The following COLEC10 variants were observed in gnomAD, a reference collection of about 807,000 sequenced individuals.
COLEC10 encodes the protein collectin-10.
COLEC10 carries 22 observed loss-of-function variants against 28.4 expected under a neutral mutation model. The observed-to-expected ratio is 0.78, with a 90% CI of 0.55 to 1.11. The LOEUF is 1.11. Ranked by LOEUF, COLEC10 falls within the 50% of genes least tolerant of loss-of-function variation. The pLI is 0.00. For synonymous variants in COLEC10, 125 were observed against 116.1 expected (o/e 1.08, Z -0.49); for missense variants, 361 against 344.1 (o/e 1.05, Z -0.39).
intron 1 of COLEC10, among the ~76,000 whole-genome samples, chr8:119,000,495 G>T (rs1813676264): frequency 6.6e-6 from 1 of 152,006 alleles, no homozygotes; most frequent in Non-Finnish European, 1.5e-5. Context: ...AGGCTTGAGT[G>T]TCACCAGGCA....
intron 2 of COLEC10, among the ~76,000 whole-genome samples, chr8:119,050,975 GT>G (rs1328137484): frequency 6.6e-6 from 1 of 152,102 alleles, no homozygotes; most frequent in Non-Finnish European, 1.5e-5. Flanking sequence ...AGCTCAGGAT[GT>G]ACTAGAGCAA....
the COLEC10 span, among the ~76,000 whole-genome samples, chr8:118,969,162 A>C: frequency 6.6e-6 from 1 of 152,002 alleles, no homozygotes. Flanking sequence ...GTCAAGAGCC[A>C]AGAAACGCCA....
At chr8:119,073,971 T>TATATATACACGTATATATATACACAC (rs1815176141) in intron 1 of COLEC10, among the ~76,000 whole-genome samples, 2 of 142,440 alleles carry the variant, frequency 1.4e-5, no homozygotes, top group Admixed American at 6.9e-5. Context: ...CATATACACA[T>TATATATACACGTATATATATACACAC]ATATATACAC....
intron 1 of COLEC10, among the ~76,000 whole-genome samples, chr8:119,069,740 G>A (rs1253517077): frequency 1.4e-5 from 2 of 143,144 alleles, no homozygotes; most frequent in African/African-American, 5.1e-5. Flanking sequence ...AGGCAGATAT[G>A]TATATTTACC....
In COLEC10 at chr8:119,077,063, C is replaced by T. The variant is rs543768808; in HGVS notation, c.148+9634C>T. ...AAGCTGGACAATGTCACCAATGATTCTGGGGCAAAGCCAGTGCTAGACCAC... is the reference window on the plus strand; with the variant it reads ...AAGCTGGACAATGTCACCAATGATTTTGGGGCAAAGCCAGTGCTAGACCAC... On this transcript the variant is annotated intron_variant, in intron 1 of 5. Coordinates refer to ENST00000332843, the MANE Select transcript of COLEC10 (RefSeq NM_006438.5). Among the ~76,000 whole-genome samples, 5 of 152,300 alleles carry T rather than the reference C, an allele frequency of 3.3e-5. No individual in the cohort carries two copies. In the South Asian group the frequency reaches 6.2e-4, roughly 19 times the overall value.
At chr8:119,072,709 G>A (rs961471858) in intron 1 of COLEC10, among the ~76,000 whole-genome samples, 12 of 151,962 alleles carry the variant, frequency 7.9e-5, no homozygotes, top group African/African-American at 2.4e-4. Flanking sequence ...AGCCCCCTTG[G>A]TCCCTGTGGA....
Position 119,091,575 on chromosome 8 carries a change from G to GAA in COLEC10, c.292+356_292+357insAA, listed in dbSNP as rs1392599626. ...GTCTCGAAAGAAAGAAAGAAAGAAAGAGAGAGAGAGAGAGAGAGAGAGAAA... is the reference window on the plus strand; with the variant it reads ...GTCTCGAAAGAAAGAAAGAAAGAAAGAAAGAGAGAGAGAGAGAGAGAGAGAAA... On this transcript the variant is annotated intron_variant, in intron 3 of 5. Coordinates refer to ENST00000332843, the MANE Select transcript of COLEC10 (RefSeq NM_006438.5). 0.012 allele frequency among the ~76,000 whole-genome samples: 1,083 copies of GAA among 86,934 alleles called. 32 individuals carry two copies. The East Asian group carries it at 0.13, about 10-fold the overall frequency. The allele number at this position is 86,934 out of a possible 152,430, so 57.0% of individuals were successfully genotyped here.
chr8:119,000,364 T>A (rs982551123), intron 1 of COLEC10, among the ~76,000 whole-genome samples: 1 of 152,138 alleles, frequency 6.6e-6, no homozygotes. Flanking sequence ...GAGTGCCAAT[T>A]TGAGACTTGT....
intron 2 of COLEC10, among the ~76,000 whole-genome samples, chr8:119,013,156 G>A (rs900464547): frequency 6.0e-5 from 9 of 150,134 alleles, no homozygotes; most frequent in African/African-American, 2.0e-4. Context: ...ATTTTGACAA[G>A]TTGTATTTTT....
At chr8:119,092,207 C>T (rs1246159912) in intron 3 of COLEC10, among the ~76,000 whole-genome samples, 4 of 151,598 alleles carry the variant, frequency 2.6e-5, no homozygotes, top group African/African-American at 4.8e-5. Context: ...GTAGCTGGGA[C>T]TACAGATGCC....
intron 3 of COLEC10, among the ~76,000 whole-genome samples, chr8:119,100,688 C>G (rs920927838): frequency 7.9e-5 from 12 of 152,190 alleles, no homozygotes; most frequent in Non-Finnish European, 1.2e-4. Flanking sequence ...GAAGCACTAT[C>G]TCTTCTGCCT....
At chr8:119,048,407 T>G (rs759850395) in intron 2 of COLEC10, among the ~76,000 whole-genome samples, 11 of 152,208 alleles carry the variant, frequency 7.2e-5, no homozygotes, top group Admixed American at 2.0e-4. Context: ...TTTGTCAGTT[T>G]TATGACTTGA....
chr8:119,108,246 G>A lies in COLEC10; in HGVS notation c.*2055G>A, dbSNP rs1226647183. Among the ~76,000 whole-genome samples the A allele has an allele frequency of 6.6e-6, 1 of 152,132 alleles. No homozygotes were observed. Among genetic ancestry groups the A allele is most frequent in the Non-Finnish European group, 1.5e-5 (1 of 68,022 alleles). On this transcript the variant is annotated 3_prime_UTR_variant, in exon 6 of 6. Transcript: ENST00000332843. ...AAAGCCATCCCAGATCATGAGGAAT[G>A]AAAACCTAGAAACACCTGTAGGAAA...
At chr8:118,992,927 TTAAGA>T (rs1157095978), upstream of COLEC10, among the ~76,000 whole-genome samples, 1 of 152,192 alleles carries the variant, frequency 6.6e-6, no homozygotes, top group African/African-American at 2.4e-5. Context: ...ACCTTAATTG[TTAAGA>T]TAATATAAAT....
At chr8:119,104,277 C>T (rs1563745417) in intron 5 of COLEC10, among the ~76,000 whole-genome samples, 2 of 152,050 alleles carry the variant, frequency 1.3e-5, no homozygotes, top group Admixed American at 1.3e-4. Context: ...TGGAATAGTG[C>T]ACAACTACTA....
At chr8:119,049,003 T>A (rs1311953604) in intron 2 of COLEC10, among the ~76,000 whole-genome samples, 6 of 152,146 alleles carry the variant, frequency 3.9e-5, no homozygotes, top group Admixed American at 2.0e-4. Flanking sequence ...AGCACTCCCT[T>A]AAGGACCTCT....
chr8:119,077,069 C>T (rs1373603086), intron 1 of COLEC10, among the ~76,000 whole-genome samples: 1 of 152,138 alleles, frequency 6.6e-6, no homozygotes, highest in African/African-American at 2.4e-5. Context: ...GATTCTGGGG[C>T]AAAGCCAGTG....
At chr8:119,080,314 C>G (rs1029413051) in intron 1 of COLEC10, among the ~76,000 whole-genome samples, 19 of 152,138 alleles carry the variant, frequency 1.2e-4, no homozygotes, top group Non-Finnish European at 8.8e-5. Context: ...GGCCAACGAA[C>G]AAACAAGTAA....
intron 3 of COLEC10, among the ~76,000 whole-genome samples, chr8:119,100,858 C>T (rs1414206162): frequency 6.6e-6 from 1 of 152,150 alleles, no homozygotes; most frequent in Non-Finnish European, 1.5e-5. Context: ...AGGACCCCCA[C>T]CTTCTGTTTG....
Sources: gnomAD v4.1 joint callset for allele counts (sites outside exome capture counted in the v4.1 genomes callset) on GRCh38, gnomAD v4.1.1 for gene constraint, MANE v1.5 for transcripts, NCBI Gene and HGNC (gene_info 2026-07-23, HGNC 2026-07-21) for gene names.